Variants in DCX observed in about 807,000 individuals in gnomAD.
DCX encodes the protein neuronal migration protein doublecortin.
A neutral mutation model predicts 20.9 loss-of-function variants in DCX; 4 were observed. That is an observed-to-expected ratio of 0.19 (90% CI 0.09 to 0.44). The LOEUF (loss-of-function observed/expected upper bound fraction) is 0.44. Ranked by LOEUF, DCX falls within the 20% of genes least tolerant of loss-of-function variation. The pLI is 0.99. For missense variants in DCX, 133 were observed against 296.9 expected, an observed-to-expected ratio of 0.45 and a Z score of 4.06; for synonymous variants, 103 against 111.4, an observed-to-expected ratio of 0.92 and a Z score of 0.47.
At chrX:111,357,477 T>A (rs368254543) in intron 3 of DCX, among the ~76,000 whole-genome samples, 3 of 111,889 alleles carry the variant, frequency 2.7e-5, no homozygotes, top group East Asian at 5.7e-4. Context: ...CTTTTAACTG[T>A]TTTAAGAATT....
intron 3 of DCX, among the ~76,000 whole-genome samples, chrX:111,361,031 G>C (rs925870465): frequency 9.0e-6 from 1 of 111,430 alleles, no homozygotes; most frequent in Non-Finnish European, 1.9e-5. Flanking sequence ...GGTGCCAGTA[G>C]CGACCCACCC....
chrX:111,351,274 C>G (rs1057127042), intron 3 of DCX, among the ~76,000 whole-genome samples: 1 of 112,047 alleles, frequency 8.9e-6, no homozygotes, highest in Non-Finnish European at 1.9e-5. Flanking sequence ...ATCCTGTCTC[C>G]CTCTTCTCTC....
At chrX:111,335,846 G>A (rs776120278) in intron 3 of DCX, among the ~76,000 whole-genome samples, 4 of 110,353 alleles carry the variant, frequency 3.6e-5, no homozygotes, top group Non-Finnish European at 7.6e-5. Flanking sequence ...CTGGGGGTGC[G>A]GGGGAGCTGA....
chrX:111,358,044 C>T lies in DCX; in HGVS notation c.706-24891G>A, dbSNP rs1046264242. On this transcript the variant is annotated intron_variant, in intron 3 of 6. Coordinates refer to ENST00000636035, the MANE Select transcript of DCX (RefSeq NM_001195553.2). Reference sequence around the variant, plus strand: ...GGTTTCATCATGTTGGCTAGGCTGGCCTCGAACTCCTGGCCTCTGGTGGTC... The same window carrying T: ...GGTTTCATCATGTTGGCTAGGCTGGTCTCGAACTCCTGGCCTCTGGTGGTC... Among the ~76,000 whole-genome samples the T allele has an allele frequency of 2.7e-5, 3 of 110,689 alleles. No individual in the cohort carries two copies. The Admixed American group carries it at 2.9e-4, about 11-fold the overall frequency.
intron 3 of DCX, among the ~76,000 whole-genome samples, chrX:111,338,696 C>CTTTTTTTT (rs200133621): frequency 4.2e-5 from 4 of 94,180 alleles, no homozygotes; most frequent in African/African-American, 1.5e-4. Context: ...TCTGTAGTGC[C>CTTTTTTTT]TTTTTTTTTT....
At chrX:111,392,440 A>G (rs1042583850) in intron 3 of DCX, among the ~76,000 whole-genome samples, 1 of 112,100 alleles carries the variant, frequency 8.9e-6, no homozygotes, top group African/African-American at 3.2e-5. Flanking sequence ...GTATATCCAT[A>G]CAATGGAGTA....
Position 111,295,425 on chromosome X carries a change from C to T in DCX, c.*6262G>A, listed in dbSNP as rs1470997731. On this transcript the variant is annotated 3_prime_UTR_variant, in exon 7 of 7. Transcript: ENST00000636035. Reference sequence around the variant, plus strand: ...TTATAGTATAGATTTGTTAAATTATCTTTTCATTTAAATCAACTCCGATTG... The same window carrying T: ...TTATAGTATAGATTTGTTAAATTATTTTTTCATTTAAATCAACTCCGATTG... 1 of 111,954 alleles carries T rather than the reference C, an allele frequency of 8.9e-6. No individual in the cohort carries two copies. The highest frequency in any genetic ancestry group is 3.3e-5 in the African/African-American group (1 of 30,683). The allele number at this position is 111,954 out of a possible 1,213,427, so 9.2% of individuals were successfully genotyped here.
intron 3 of DCX, among the ~76,000 whole-genome samples, chrX:111,352,833 C>CAGAG (rs1471847081): frequency 2.2e-5 from 2 of 89,766 alleles, no homozygotes; most frequent in African/African-American, 4.6e-5. Flanking sequence ...GGCAGACAGA[C>CAGAG]AGACAGAGAG....
At chrX:111,323,936 G>A (rs1482366152) in intron 5 of DCX, among the ~76,000 whole-genome samples, 1 of 111,370 alleles carries the variant, frequency 9.0e-6, no homozygotes, top group South Asian at 3.8e-4. Context: ...ACATGGAGAT[G>A]GTTCACATGT....
chrX:111,339,769 C>G (rs189855720), intron 3 of DCX, among the ~76,000 whole-genome samples: 1 of 111,834 alleles, frequency 8.9e-6, no homozygotes, highest in Non-Finnish European at 1.9e-5. Context: ...TTAATATGCC[C>G]AAGACTAAAC....
chrX:111,401,631 G>GT (rs775067445), intron 2 of DCX, among the ~76,000 whole-genome samples: 3 of 111,937 alleles, frequency 2.7e-5, no homozygotes, highest in South Asian at 3.7e-4. Context: ...GCTTGATATG[G>GT]TTTTTTCTGG....
chrX:111,396,774 C>T (rs1927350600), intron 3 of DCX, among the ~76,000 whole-genome samples: 1 of 111,974 alleles, frequency 8.9e-6, no homozygotes, highest in Middle Eastern at 4.2e-3. Context: ...ATATGCATCA[C>T]CATCCAATCC....
intron 3 of DCX, among the ~76,000 whole-genome samples, chrX:111,370,795 T>C (rs1925018783): frequency 9.1e-6 from 1 of 109,293 alleles, no homozygotes. Context: ...AAAAAAAAAA[T>C]ACATGTTCCC....
At chrX:111,360,929 T>C (rs760135896) in intron 3 of DCX, among the ~76,000 whole-genome samples, 1 of 112,051 alleles carries the variant, frequency 8.9e-6, no homozygotes, top group Non-Finnish European at 1.9e-5. Context: ...TCAACCTCGG[T>C]GCTCCTGACA....
chrX:111,367,914 T>C (rs747339058), intron 3 of DCX, among the ~76,000 whole-genome samples: 1 of 111,529 alleles, frequency 9.0e-6, no homozygotes, highest in Non-Finnish European at 1.9e-5. Flanking sequence ...AGCCAAACCA[T>C]CATGACCCAC....
chrX:111,377,441 G>A (rs899211820), intron 3 of DCX, among the ~76,000 whole-genome samples: 5 of 111,578 alleles, frequency 4.5e-5, no homozygotes, highest in Non-Finnish European at 9.4e-5. Context: ...GAAGCCAGGA[G>A]AAGGGTGGGG....
chrX:111,409,344 G>C (rs1000840180), intron 2 of DCX, among the ~76,000 whole-genome samples: 1 of 111,272 alleles, frequency 9.0e-6, no homozygotes, highest in South Asian at 3.8e-4. Flanking sequence ...AGAAAATTTA[G>C]TTGCCACACA....
chrX:111,320,703 G>A (rs1481212295), intron 5 of DCX, among the ~76,000 whole-genome samples: 4 of 110,058 alleles, frequency 3.6e-5, no homozygotes, highest in African/African-American at 1.3e-4. Context: ...GCAACAAGGG[G>A]CATCAAAAAC....
chrX:111,408,683 A>AAAGG (rs1338547967), intron 2 of DCX, among the ~76,000 whole-genome samples: 4 of 107,440 alleles, frequency 3.7e-5, no homozygotes, highest in African/African-American at 1.4e-4. Flanking sequence ...AGAAAGAAAG[A>AAAGG]AAGAAAGAAA....
Sources: allele counts gnomAD v4.1 joint callset (sites outside exome capture counted in the v4.1 genomes callset), GRCh38; gene constraint gnomAD v4.1.1; transcripts MANE v1.5; gene names NCBI Gene and HGNC (gene_info 2026-07-23, HGNC 2026-07-21).